EXD1: variants seen among roughly 807,000 people sequenced by gnomAD.
EXD1 encodes exonuclease 3'-5' domain containing 1.
A neutral mutation model predicts 49.1 loss-of-function variants in EXD1; 63 were observed. That is an observed-to-expected ratio of 1.28 (90% CI 1.05 to 1.58). The LOEUF is 1.58. Among genes scored for constraint, EXD1 ranks in the 40% most tolerant of loss-of-function variants. The probability of loss-of-function intolerance (pLI) is 0.00; values close to 1 mark genes in which losing one functional copy is unlikely to be tolerated. For synonymous variants in EXD1, 234 were observed against 239.2 expected, an observed-to-expected ratio of 0.98 and a Z score of 0.20; for missense variants, 748 against 666.0, an observed-to-expected ratio of 1.12 and a Z score of -1.36.
At position 41,230,545 on chromosome 15, in the gene EXD1, T is replaced by G; in HGVS notation, c.-120A>C. 1.2e-6 allele frequency: 2 copies of G among 1,614,190 alleles called. No homozygotes were observed. The highest frequency in any genetic ancestry group is 1.1e-5 in the South Asian group (1 of 91,090). Reference sequence around the variant, plus strand: ...TCCTCCGAAGGAAGTTTGGGAAATCTGGATCCTAATTTCAGCCAAGTGGTG... The same window carrying G: ...TCCTCCGAAGGAAGTTTGGGAAATCGGGATCCTAATTTCAGCCAAGTGGTG... On this transcript the variant is annotated 5_prime_UTR_variant, in exon 1 of 12. Coordinates refer to ENST00000458580, the MANE Select transcript of EXD1 (RefSeq NM_001286441.2).
intron 2 of EXD1, among the ~76,000 whole-genome samples, chr15:41,223,982 G>A (rs2047126602): frequency 6.6e-6 from 1 of 152,014 alleles, no homozygotes; most frequent in African/African-American, 2.4e-5. Context: ...ACCCTCCCAG[G>A]TAGCTGGGAC....
rs568236772 is a variant in EXD1 at position 41,191,580 on chromosome 15, T to C, written c.726A>G (p.Ala242=). The change falls in exon 10 of 12, where the codon GCA becomes GCG. Residue 242 remains alanine, a synonymous_variant. Coordinates refer to ENST00000458580, the MANE Select transcript of EXD1 (RefSeq NM_001286441.2). ...LLNNVFDTQV[A]DVLQFSMETG... is the part of the protein sequence containing the mutation. ...TTTCCATGGAAAACTGAAGTACATCTGCTACCTGTGGTATTTTAAAAAGAC... is the reference window on the plus strand; with the variant it reads ...TTTCCATGGAAAACTGAAGTACATCCGCTACCTGTGGTATTTTAAAAAGAC... The C allele has an allele frequency of 4.3e-6, 7 of 1,613,892 alleles. No homozygotes were observed. In the East Asian group the frequency reaches 1.6e-4, roughly 36 times the overall value.
intron 7 of EXD1, 33 bp downstream of exon 7, chr15:41,209,468 C>T (rs1191979315): frequency 1.9e-6 from 3 of 1,594,870 alleles, no homozygotes; most frequent in Middle Eastern, 1.7e-4. Context: ...TCTATAATTA[C>T]TTCAAAATAA....
At chr15:41,220,510 A>G (rs74661696) in intron 2 of EXD1, among the ~76,000 whole-genome samples, 24,617 of 152,076 alleles carry the variant, frequency 0.16, 3,681 homozygotes, top group African/African-American at 0.4. Context: ...CGCTTGCCTC[A>G]GCCTCCCAAA....
intron 7 of EXD1, among the ~76,000 whole-genome samples, chr15:41,202,988 G>T (rs530273139): frequency 6.6e-6 from 1 of 151,362 alleles, no homozygotes; most frequent in Non-Finnish European, 1.5e-5. Context: ...TTGAGTAGAT[G>T]CAGTATAAAA....
chr15:41,230,402 AACAAT>A (rs2047222240), intron 1 of EXD1, 72 bp downstream of exon 1: 9 of 1,501,734 alleles, frequency 6.0e-6, no homozygotes, highest in Non-Finnish European at 8.3e-6. Flanking sequence ...AATCAAAACA[AACAAT>A]ACACCATGAG....
At chr15:41,199,863 A>T (rs1257737515) in intron 7 of EXD1, among the ~76,000 whole-genome samples, 7 of 144,032 alleles carry the variant, frequency 4.9e-5, no homozygotes, top group African/African-American at 1.5e-4. Context: ...CATATATATG[A>T]TCTGTATATA....
Position 41,209,055 on chromosome 15 carries a change from T to C in EXD1, c.534+446A>G, listed in dbSNP as rs186567467. On this transcript the variant is annotated intron_variant, in intron 7 of 11. Transcript: ENST00000458580. ...CTCCTTTTGAAAAGAATAAAGTGAG[T>C]ACCAGGAGAAGGAAGAACATTCCAA... Among the ~76,000 whole-genome samples, 303 of 150,544 alleles carry C rather than the reference T, an allele frequency of 2.0e-3. 1 individual carries two copies. Among genetic ancestry groups the C allele is most frequent in the Non-Finnish European group, 3.4e-3 (232 of 67,720 alleles).
chr15:41,217,125 A>C lies in EXD1; in HGVS notation c.232T>G (p.Ser78Ala). Residue 78 changes from serine (S) to alanine (A), a missense_variant, in exon 4 of 12, where the codon TCA becomes GCA. Coordinates refer to ENST00000458580, the MANE Select transcript of EXD1 (RefSeq NM_001286441.2). The stretch of plus-strand genomic sequence containing the variant: ...ACAGAAGATGCTTTTGCTCTCACTG[A>C]GCCTTGTTCCACTTCATCTAGTAGT... ...VELLDEVEQG[S>A]VRAKASSVSL... 6.2e-7 allele frequency: 1 copy of C among 1,612,522 alleles called. No individual in the cohort carries two copies. The highest frequency in any genetic ancestry group is 8.5e-7 in the Non-Finnish European group (1 of 1,179,912).
chr15:41,213,526 G>GTTTTGTTTTGTT (rs796309782), intron 6 of EXD1, among the ~76,000 whole-genome samples: 6 of 139,980 alleles, frequency 4.3e-5, no homozygotes, highest in African/African-American at 1.5e-4. Context: ...GTTTTGTTTT[G>GTTTTGTTTTGTT]TTGTTTTTTG....
intron 7 of EXD1, among the ~76,000 whole-genome samples, chr15:41,199,663 A>G (rs937620791): frequency 9.8e-6 from 1 of 102,378 alleles, no homozygotes; most frequent in Non-Finnish European, 2.0e-5. Flanking sequence ...TATATATGAT[A>G]TACACATTAT....
At chr15:41,219,953 G>C in intron 2 of EXD1, 55 bp from the exon 3 acceptor site, 2 of 1,354,172 alleles carry the variant, frequency 1.5e-6, no homozygotes, top group Non-Finnish European at 9.9e-7. Context: ...AAAACTCTAA[G>C]AAAATATGAT....
At chr15:41,221,344 T>C (rs1265111755) in intron 2 of EXD1, among the ~76,000 whole-genome samples, 1 of 152,194 alleles carries the variant, frequency 6.6e-6, no homozygotes, top group African/African-American at 2.4e-5. Context: ...CAATCCTAGC[T>C]CACTGCAGCC....
rs1382049014 is a variant in EXD1, at chr15:41,230,701, G to T, written c.-276C>A. ...GAAAACCTGGAGAAAGGTCCGCGACGCCGGGGACACACGCCGCAGAGGCGA... is the reference window on the plus strand; with the variant it reads ...GAAAACCTGGAGAAAGGTCCGCGACTCCGGGGACACACGCCGCAGAGGCGA... On this transcript the variant is annotated 5_prime_UTR_variant, in exon 1 of 12. Coordinates refer to ENST00000458580, the MANE Select transcript of EXD1 (RefSeq NM_001286441.2). 3 of 746,346 alleles carry T rather than the reference G, an allele frequency of 4.0e-6. No individual in the cohort carries two copies. The highest frequency in any genetic ancestry group is 6.4e-6 in the Non-Finnish European group (3 of 470,832). 46.2% of individuals were successfully genotyped at this position (746,346 alleles called of 1,614,324 possible).
intron 2 of EXD1, among the ~76,000 whole-genome samples, chr15:41,223,003 T>G (rs1020171048): frequency 6.6e-6 from 1 of 150,414 alleles, no homozygotes; most frequent in Non-Finnish European, 1.5e-5. Context: ...CAGGCTGGAG[T>G]GCAGGAGCAC....
chr15:41,209,732 G>C, intron 6 of EXD1, 145 bp from the exon 7 acceptor site: 1 of 685,206 alleles, frequency 1.5e-6, no homozygotes, highest in East Asian at 2.8e-5. Context: ...ATCCAAAACA[G>C]TCTGTTTTAC....
At position 41,195,953 on chromosome 15, in the gene EXD1, C is replaced by A; in HGVS notation, c.619G>T (p.Glu207Ter). 1 of 1,611,944 alleles carries A rather than the reference C, an allele frequency of 6.2e-7. No individual in the cohort carries two copies. The highest frequency in any genetic ancestry group is 1.1e-5 in the South Asian group (1 of 90,820). The change falls in exon 8 of 12, where the codon GAA becomes TAA. Residue 207 changes from glutamate to a stop codon, truncating the protein, a stop_gained. Coordinates refer to ENST00000458580, the MANE Select transcript of EXD1 (RefSeq NM_001286441.2). LOFTEE classifies it high-confidence loss of function. ...CTTACCTTCAAAATTCTCTTGTCTT[C>A]TAGTATCATCTGAAGTCCATTGTGG... ...AFHNGLQMIL[E>*]DKRILKVIHD...
chr15:41,219,130 A>T (rs891247112), intron 3 of EXD1, among the ~76,000 whole-genome samples: 2 of 152,056 alleles, frequency 1.3e-5, no homozygotes, highest in Admixed American at 1.3e-4. Context: ...CTCTTATCCT[A>T]CTTGACATGT....
chr15:41,225,294 G>T (rs1451304708), intron 2 of EXD1, among the ~76,000 whole-genome samples: 3 of 152,170 alleles, frequency 2.0e-5, no homozygotes, highest in Non-Finnish European at 4.4e-5. Flanking sequence ...CATATGGAAA[G>T]AAATTAAAGG....
Sources: allele counts gnomAD v4.1 joint callset (sites outside exome capture counted in the v4.1 genomes callset), GRCh38; gene constraint gnomAD v4.1.1; transcripts MANE v1.5; gene names NCBI Gene and HGNC (gene_info 2026-07-23, HGNC 2026-07-21).